SVIL: variants seen among roughly 807,000 people sequenced by gnomAD.
SVIL encodes supervillin, also known as archvillin.
A neutral mutation model predicts 240.4 loss-of-function variants in SVIL; 101 were observed. The ratio of observed to expected loss-of-function variants is 0.42; its 90% CI spans 0.36 to 0.50. The LOEUF (loss-of-function observed/expected upper bound fraction) is 0.50. Among genes scored for constraint, SVIL ranks in the 20% least tolerant of loss-of-function variants. The pLI, the probability that SVIL is intolerant of heterozygous loss-of-function variation, is 0.01. For synonymous variants in SVIL, 999 were observed against 1,100.0 expected (o/e 0.91, Z 1.82); for missense variants, 2,512 against 2,818.7 (o/e 0.89, Z 2.46).
At chr10:29,654,505 T>C (rs1310617137) in intron 3 of SVIL, among the ~76,000 whole-genome samples, 1 of 152,228 alleles carries the variant, frequency 6.6e-6, no homozygotes, top group Non-Finnish European at 1.5e-5. Context: ...TTTTCCAATC[T>C]GGAAGCCTCT....
chr10:29,524,167 C>T lies in SVIL; in HGVS notation c.2587-140G>A, dbSNP rs140069357. ...CTCTTAGTGGAAAACCATTCCTGGA[C>T]ATAGTTATATAATACGTCTCATTAA... On this transcript the variant is annotated intron_variant, in intron 14 of 37. Transcript: ENST00000355867. 4.5e-3 allele frequency: 4,506 copies of T among 991,730 alleles called. 80 individuals carry two copies. The highest frequency in any genetic ancestry group is 0.044 in the South Asian group (2,467 of 56,140). The allele number at this position is 991,730 out of a possible 1,614,324, so 61.4% of individuals were successfully genotyped here. A position where few individuals can be genotyped will look rare whatever the true frequency, so the allele number is the denominator to read the frequency against.
chr10:29,522,740 C>A (rs900092107), intron 15 of SVIL, 105 bp from the exon 16 acceptor site: 1 of 1,277,448 alleles, frequency 7.8e-7, no homozygotes, highest in South Asian at 1.4e-5. Context: ...CGTGGGCACA[C>A]GGCGGGTGAC....
rs145563303 is a variant in SVIL, at chr10:29,606,540, C to T, written c.-201+27880G>A. Among the ~76,000 whole-genome samples, 673 of 152,186 alleles carry T rather than the reference C, an allele frequency of 4.4e-3. 8 individuals are homozygous for T. The highest frequency in any genetic ancestry group is 0.012 in the African/African-American group (509 of 41,536). Reference sequence around the variant, plus strand: ...ACACCCAAAATATCAACTCATTTTACCTCTATATACTTCAATATGCATTTT... The same window carrying T: ...ACACCCAAAATATCAACTCATTTTATCTCTATATACTTCAATATGCATTTT... On this transcript the variant is annotated intron_variant, in intron 1 of 37. Transcript: ENST00000355867.
At chr10:29,593,578 C>T (rs1956471736) in intron 1 of SVIL, among the ~76,000 whole-genome samples, 1 of 152,224 alleles carries the variant, frequency 6.6e-6, no homozygotes, top group African/African-American at 2.4e-5. Context: ...ATGCCTTCCA[C>T]TCTCTGCCTC....
At chr10:29,569,401 C>A (rs1204638185) in intron 1 of SVIL, 89 bp from the exon 2 acceptor site, 5 of 558,778 alleles carry the variant, frequency 8.9e-6, no homozygotes, top group Non-Finnish European at 1.1e-5. Flanking sequence ...TGCTTTTGAA[C>A]ATATAATTTA....
chr10:29,494,576 A>G (rs112618009), intron 20 of SVIL, among the ~76,000 whole-genome samples: 2 of 152,356 alleles, frequency 1.3e-5, no homozygotes, highest in African/African-American at 4.8e-5. Context: ...ATATGAAATA[A>G]TATTAGCTTT....
chr10:29,630,642 TA>T (rs1958048929), intron 1 of SVIL, among the ~76,000 whole-genome samples: 1 of 152,094 alleles, frequency 6.6e-6, no homozygotes, highest in African/African-American at 2.4e-5. Flanking sequence ...CGGCACACCT[TA>T]ATTTCCCGGT....
chr10:29,542,042 T>C (rs1397602396), intron 6 of SVIL, among the ~76,000 whole-genome samples: 1 of 152,182 alleles, frequency 6.6e-6, no homozygotes, highest in Non-Finnish European at 1.5e-5. Context: ...AGAAGGGAAA[T>C]TAACAACATC....
intron 5 of SVIL, 131 bp downstream of exon 5, chr10:29,554,652 G>T: frequency 8.3e-7 from 1 of 1,209,720 alleles, no homozygotes; most frequent in Non-Finnish European, 1.1e-6. Flanking sequence ...GAAACCTTGT[G>T]CTAAAAAAAT....
In SVIL at chr10:29,677,450, C is replaced by T. The variant is rs541925349; in HGVS notation, c.-301+9103G>A. On this transcript the variant is annotated intron_variant, in intron 2 of 35. Coordinates refer to the SVIL transcript ENST00000375400. ...CAGAATGACAGGGTCTCACTCTTGC[C>T]CAGGCTGGAGTGCAGTGGCACAATC... Among the ~76,000 whole-genome samples the T allele has an allele frequency of 3.9e-5, 6 of 152,254 alleles. No homozygotes were observed. The East Asian group carries it at 1.2e-3, about 29-fold the overall frequency.
intron 18 of SVIL, among the ~76,000 whole-genome samples, chr10:29,495,559 C>T (rs1427719671): frequency 8.5e-5 from 13 of 152,188 alleles, no homozygotes; most frequent in African/African-American, 2.9e-4. Flanking sequence ...CTGTGTCACA[C>T]TTGCCAGCAA....
intron 3 of SVIL, among the ~76,000 whole-genome samples, chr10:29,556,450 G>A (rs746342182): frequency 1.3e-5 from 2 of 152,080 alleles, no homozygotes; most frequent in Non-Finnish European, 1.5e-5. Flanking sequence ...ACACATGCAC[G>A]CATACACACA....
intron 1 of SVIL, among the ~76,000 whole-genome samples, chr10:29,621,222 C>T (rs143413571): frequency 0.012 from 1,844 of 152,356 alleles, 21 homozygotes; most frequent in Non-Finnish European, 0.017. Flanking sequence ...GGAGAATGAT[C>T]TCACTTGCCT....
At chr10:29,506,682 A>AGGTCTTAGT (rs1564535040) in intron 17 of SVIL, among the ~76,000 whole-genome samples, 18 of 112,996 alleles carry the variant, frequency 1.6e-4, no homozygotes, top group South Asian at 2.7e-4. Flanking sequence ...AGGCCCTATG[A>AGGTCTTAGT]GGGAGGGGAC....
At chr10:29,579,214 G>A (rs1314801896) in intron 1 of SVIL, among the ~76,000 whole-genome samples, 2 of 152,044 alleles carry the variant, frequency 1.3e-5, no homozygotes, top group African/African-American at 2.4e-5. Context: ...GAGGCGGGCG[G>A]ATCATGAGGT....
At chr10:29,605,049 T>C (rs1390736940) in intron 1 of SVIL, among the ~76,000 whole-genome samples, 1 of 152,236 alleles carries the variant, frequency 6.6e-6, no homozygotes, top group Non-Finnish European at 1.5e-5. Flanking sequence ...TGGAGTTTCT[T>C]TATGCAAGCA....
chr10:29,536,048 C>T lies in SVIL; in HGVS notation c.849G>A (p.Glu283=), dbSNP rs1652681299. The change falls in exon 7 of 38, where the codon GAG becomes GAA. Residue 283 remains glutamate, a synonymous_variant. Transcript: ENST00000355867. ...CTTCGGAATCTTTCTGGAGAAACCA[C>T]TCATGTTTGGGTTTCCCTGTACTAT... ...ARPSTGKPKH[E]WFLQKDSEGD... 1 of 1,614,220 alleles carries T rather than the reference C, an allele frequency of 6.2e-7. No homozygotes were observed. Among genetic ancestry groups the T allele is most frequent in the African/African-American group, 1.3e-5 (1 of 75,064 alleles).
intron 1 of SVIL, among the ~76,000 whole-genome samples, chr10:29,725,627 T>C (rs908188692): frequency 2.0e-5 from 3 of 152,076 alleles, no homozygotes; most frequent in African/African-American, 4.8e-5. Context: ...CCAAGCACCA[T>C]TGAGGGGATC....
At chr10:29,609,768 G>A (rs116789754) in intron 1 of SVIL, among the ~76,000 whole-genome samples, 1,776 of 152,308 alleles carry the variant, frequency 0.012, 34 homozygotes, top group African/African-American at 0.038. Context: ...AGCAGCCAGC[G>A]TGCCTGGCTG....
Sources: gnomAD v4.1 joint callset for allele counts (sites outside exome capture counted in the v4.1 genomes callset) on GRCh38, gnomAD v4.1.1 for gene constraint, MANE v1.5 for transcripts, NCBI Gene and HGNC (gene_info 2026-07-23, HGNC 2026-07-21) for gene names.